Variants in TENM4 observed in about 807,000 individuals in gnomAD.
TENM4 encodes the protein teneurin-4.
Under a neutral mutation model 243.3 loss-of-function variants are expected in TENM4, and 82 were observed. The observed-to-expected ratio is 0.34, with a 90% CI of 0.28 to 0.40. TENM4 has a LOEUF of 0.40. Ranked by LOEUF, TENM4 falls within the 10% of genes least tolerant of loss-of-function variation. The probability of loss-of-function intolerance (pLI) is 1.00; values close to 1 mark genes in which losing one functional copy is unlikely to be tolerated. For synonymous variants in TENM4, 1,412 were observed against 1,456.3 expected (o/e 0.97, Z 0.69); for missense variants, 3,138 against 3,673.3 (o/e 0.85, Z 3.77).
At chr11:78,947,003 A>C (rs999892597) in intron 6 of TENM4, among the ~76,000 whole-genome samples, 1 of 152,238 alleles carries the variant, frequency 6.6e-6, no homozygotes, top group Non-Finnish European at 1.5e-5. Flanking sequence ...TTAGAATATC[A>C]TATCAACATA....
At chr11:78,687,508 G>A (rs891791165) in intron 29 of TENM4, among the ~76,000 whole-genome samples, 1 of 152,138 alleles carries the variant, frequency 6.6e-6, no homozygotes, top group Non-Finnish European at 1.5e-5. Context: ...GAGAACAATT[G>A]AGGCAGATAA....
intron 32 of TENM4, 36 bp downstream of exon 32, chr11:78,668,901 A>T (rs763841271): frequency 8.4e-5 from 133 of 1,581,084 alleles, no homozygotes; most frequent in Non-Finnish European, 1.1e-4. Context: ...AGAGCACTTT[A>T]TGGGGTCCTG....
intron 2 of TENM4, among the ~76,000 whole-genome samples, chr11:79,262,842 T>A (rs1334512495): frequency 6.6e-6 from 1 of 152,178 alleles, no homozygotes; most frequent in Non-Finnish European, 1.5e-5. Flanking sequence ...TGGGAGGATA[T>A]CTTCGAGGAA....
chr11:78,786,883 C>T lies in TENM4; in HGVS notation c.2365+15G>A, dbSNP rs1856946602. 3 of 1,588,946 alleles carry T rather than the reference C, an allele frequency of 1.9e-6. No homozygotes were observed. Among genetic ancestry groups the T allele is most frequent in the African/African-American group, 1.3e-5 (1 of 74,472 alleles). On this transcript the variant is annotated intron_variant, in intron 16 of 33. Coordinates refer to ENST00000278550, the MANE Select transcript of TENM4 (RefSeq NM_001098816.3). ...CAGACCAGAGAAGGTACCCGGGGAC[C>T]TCGGCCCGCCATACCGATGGTGCAG...
intron 12 of TENM4, among the ~76,000 whole-genome samples, chr11:78,840,655 T>C (rs1399431547): frequency 1.3e-5 from 2 of 152,204 alleles, no homozygotes; most frequent in Admixed American, 6.5e-5. Context: ...TCTTGGTATA[T>C]ACTCTTCCGC....
At position 78,903,273 on chromosome 11, in the gene TENM4, C is replaced by T; in HGVS notation, c.744G>A (p.Glu248=). 6.7e-7 allele frequency: 1 copy of T among 1,491,684 alleles called. No homozygotes were observed. Among genetic ancestry groups the T allele is most frequent in the South Asian group, 1.3e-5 (1 of 76,392 alleles). 92.4% of individuals were successfully genotyped at this position (1,491,684 alleles called of 1,614,324 possible). ...CCTCCCTACCGGCCGCGCACCTGGTCTCCAGGGGGATGTTGCTGTTGAGCA... is the reference window on the plus strand; with the variant it reads ...CCTCCCTACCGGCCGCGCACCTGGTTTCCAGGGGGATGTTGCTGTTGAGCA... ...NWLLNSNIPL[E]TRNLGKQPFL... Residue 248 remains glutamate (E), a synonymous_variant, in exon 7 of 34, where the codon GAG becomes GAA. Transcript: ENST00000278550.
At chr11:79,178,618 A>G (rs1350185081) in intron 3 of TENM4, among the ~76,000 whole-genome samples, 2 of 152,232 alleles carry the variant, frequency 1.3e-5, no homozygotes, top group Non-Finnish European at 2.9e-5. Flanking sequence ...AGCAAGGACC[A>G]CTGCATATAG....
chr11:79,432,966 TTGCCTCA>T (rs1859199451), intron 1 of TENM4, among the ~76,000 whole-genome samples: 1 of 152,182 alleles, frequency 6.6e-6, no homozygotes, highest in African/African-American at 2.4e-5. Context: ...CGTTTTGTTC[TTGCCTCA>T]TTTTCCATCT....
At chr11:79,305,008 A>G (rs1856604127) in intron 1 of TENM4, among the ~76,000 whole-genome samples, 1 of 152,244 alleles carries the variant, frequency 6.6e-6, no homozygotes, top group African/African-American at 2.4e-5. Flanking sequence ...AAAAACAAAA[A>G]CAAGGAAGTC....
At chr11:78,661,753 C>A (rs779084028) in intron 32 of TENM4, among the ~76,000 whole-genome samples, 162 bp from the exon 33 acceptor site, 3 of 152,144 alleles carry the variant, frequency 2.0e-5, no homozygotes, top group Non-Finnish European at 4.4e-5. Flanking sequence ...TCTATGAAAG[C>A]CAAATGTACT....
intron 1 of TENM4, among the ~76,000 whole-genome samples, chr11:79,429,121 C>T (rs757961075): frequency 1.6e-4 from 24 of 152,154 alleles, no homozygotes; most frequent in Non-Finnish European, 2.8e-4. Context: ...TCATTTTTAA[C>T]ATGATCAAGC....
intron 1 of TENM4, among the ~76,000 whole-genome samples, chr11:79,383,900 G>C (rs1248940902): frequency 6.6e-6 from 1 of 152,134 alleles, no homozygotes; most frequent in African/African-American, 2.4e-5. Flanking sequence ...GTTCACATAA[G>C]GCACGTCCCT....
At chr11:78,740,594 G>A (rs117154666) in intron 19 of TENM4, among the ~76,000 whole-genome samples, 1,838 of 152,356 alleles carry the variant, frequency 0.012, 21 homozygotes, top group Non-Finnish European at 0.017. Context: ...GGTGCTGAGA[G>A]ATGTTTTCTT....
intron 30 of TENM4, among the ~76,000 whole-genome samples, chr11:78,674,189 C>T (rs752722145): frequency 4.6e-5 from 7 of 152,190 alleles, no homozygotes; most frequent in East Asian, 1.9e-4. Context: ...ACTGGGGAGC[C>T]GCCTAATGCG....
intron 15 of TENM4, among the ~76,000 whole-genome samples, chr11:78,788,556 C>T (rs1856986455): frequency 6.6e-6 from 1 of 152,246 alleles, no homozygotes; most frequent in South Asian, 2.1e-4. Flanking sequence ...AGTTCCTTGT[C>T]TGGAGAGTGT....
intron 6 of TENM4, among the ~76,000 whole-genome samples, chr11:78,962,455 A>G (rs538417980): frequency 5.5e-4 from 70 of 127,152 alleles, no homozygotes; most frequent in Non-Finnish European, 1.1e-3. Context: ...CATCAACGGG[A>G]AGGGGGGGCT....
At chr11:78,891,097 G>T in intron 8 of TENM4, 141 bp downstream of exon 8, 1 of 703,454 alleles carries the variant, frequency 1.4e-6, no homozygotes, top group Non-Finnish European at 2.4e-6. Context: ...ACTGTTGCAA[G>T]TTGAACACGG....
At chr11:78,797,912 CTTGA>C (rs1393790210) in intron 15 of TENM4, among the ~76,000 whole-genome samples, 3 of 152,218 alleles carry the variant, frequency 2.0e-5, no homozygotes, top group African/African-American at 4.8e-5. Context: ...AATAGCCTAA[CTTGA>C]TTGTTTCCTT....
At chr11:79,124,276 A>T (rs1210276352) in intron 4 of TENM4, among the ~76,000 whole-genome samples, 1 of 151,272 alleles carries the variant, frequency 6.6e-6, no homozygotes, top group Non-Finnish European at 1.5e-5. Context: ...TGTGTGTGTG[A>T]GGGTGTTGCC....
Sources: allele counts gnomAD v4.1 joint callset (sites outside exome capture counted in the v4.1 genomes callset), GRCh38; gene constraint gnomAD v4.1.1; transcripts MANE v1.5; gene names NCBI Gene and HGNC (gene_info 2026-07-23, HGNC 2026-07-21).